Variants in KCNQ5 observed in about 807,000 individuals in gnomAD.
KCNQ5 encodes the protein potassium voltage-gated channel subfamily KQT member 5.
In KCNQ5, 30 loss-of-function variants were observed where a neutral mutation model predicts 98.2. That is an observed-to-expected ratio of 0.31 (90% CI 0.23 to 0.41). KCNQ5 has a LOEUF of 0.41. KCNQ5 is among the 10% of genes least tolerant of loss of function. The pLI is 1.00. For missense variants in KCNQ5, 835 were observed against 1,182.5 expected (o/e 0.71, Z 4.31); for synonymous variants, 458 against 449.4 (o/e 1.02, Z -0.24).
chr6:73,098,063 T>C (rs957635811), intron 5 of KCNQ5, among the ~76,000 whole-genome samples: 1 of 151,978 alleles, frequency 6.6e-6, no homozygotes, highest in Non-Finnish European at 1.5e-5. Context: ...TCAGATAAAT[T>C]TAACAAATAA....
chr6:72,681,919 G>GA (rs1767728421), intron 1 of KCNQ5, among the ~76,000 whole-genome samples: 1 of 152,184 alleles, frequency 6.6e-6, no homozygotes, highest in Non-Finnish European at 1.5e-5. Flanking sequence ...TTGCCTTGGA[G>GA]AATCAAATGA....
chr6:73,083,544 T>C (rs1773863788), intron 5 of KCNQ5, among the ~76,000 whole-genome samples: 2 of 151,896 alleles, frequency 1.3e-5, no homozygotes, highest in Non-Finnish European at 2.9e-5. Context: ...ATGAGTGAGA[T>C]TTATGCAAAA....
intron 11 of KCNQ5, among the ~76,000 whole-genome samples, chr6:73,177,637 T>A (rs546412079): frequency 1.6e-4 from 24 of 152,356 alleles, no homozygotes; most frequent in African/African-American, 5.5e-4. Context: ...TTTTGTTAAA[T>A]CTACAAGCTG....
intron 1 of KCNQ5, among the ~76,000 whole-genome samples, chr6:72,783,148 T>A (rs6453604): frequency 0.75 from 114,547 of 152,100 alleles, 44,241 homozygotes; most frequent in African/African-American, 0.94. Context: ...AGAGGATGAA[T>A]GGGCATTTCC....
intron 1 of KCNQ5, among the ~76,000 whole-genome samples, chr6:72,647,631 T>C (rs1765664348): frequency 6.6e-6 from 1 of 152,164 alleles, no homozygotes; most frequent in Non-Finnish European, 1.5e-5. Context: ...GACACATGCA[T>C]GTAATGCCCC....
chr6:72,891,543 A>T (rs1779057824), intron 1 of KCNQ5, among the ~76,000 whole-genome samples: 1 of 152,188 alleles, frequency 6.6e-6, no homozygotes, highest in Non-Finnish European at 1.5e-5. Context: ...GACTTAAAGA[A>T]AACACCATAT....
intron 1 of KCNQ5, among the ~76,000 whole-genome samples, chr6:72,703,035 C>A (rs1355579716): frequency 6.6e-6 from 1 of 152,200 alleles, no homozygotes; most frequent in Admixed American, 6.5e-5. Flanking sequence ...ACAAGGCAGT[C>A]TATTTAGGAT....
At chr6:72,657,634 T>A (rs1330849337) in intron 1 of KCNQ5, among the ~76,000 whole-genome samples, 2 of 152,170 alleles carry the variant, frequency 1.3e-5, no homozygotes, top group East Asian at 3.9e-4. Context: ...TTACTCAGAG[T>A]TGCATAATGT....
intron 8 of KCNQ5, among the ~76,000 whole-genome samples, chr6:73,123,170 TTC>T (rs60418221): frequency 0.21 from 31,176 of 151,310 alleles, 7,103 homozygotes; most frequent in African/African-American, 0.56. Flanking sequence ...GAAGTATGTA[TTC>T]AAGGGATGTT....
chr6:72,843,453 C>T (rs1776887890), intron 1 of KCNQ5, among the ~76,000 whole-genome samples: 1 of 152,094 alleles, frequency 6.6e-6, no homozygotes, highest in South Asian at 2.1e-4. Flanking sequence ...TTAGGATTGT[C>T]TTGGCTATAT....
intron 1 of KCNQ5, among the ~76,000 whole-genome samples, chr6:72,828,515 C>G (rs780098540): frequency 1.2e-4 from 18 of 151,530 alleles, no homozygotes; most frequent in Admixed American, 2.6e-4. Context: ...TTCTTGATTT[C>G]TTTTTGTTAG....
At chr6:73,158,263 T>TC (rs1554216893) in intron 10 of KCNQ5, 1 of 171,688 alleles carries the variant, frequency 5.8e-6, no homozygotes, top group Non-Finnish European at 1.2e-5. Flanking sequence ...GATTTTTTTT[T>TC]TTTTTTTTTT....
At chr6:73,179,392 T>A (rs1778328848) in intron 11 of KCNQ5, among the ~76,000 whole-genome samples, 1 of 152,154 alleles carries the variant, frequency 6.6e-6, no homozygotes, top group African/African-American at 2.4e-5. Flanking sequence ...CACCAGTTCC[T>A]CTCTCATGAT....
At chr6:72,666,270 T>C (rs1163761965) in intron 1 of KCNQ5, among the ~76,000 whole-genome samples, 2 of 152,200 alleles carry the variant, frequency 1.3e-5, no homozygotes, top group East Asian at 3.8e-4. Context: ...AATGTTATAA[T>C]TTAAAAAGTC....
chr6:73,166,031 G>T (rs1443710579), intron 10 of KCNQ5, among the ~76,000 whole-genome samples: 1 of 152,154 alleles, frequency 6.6e-6, no homozygotes, highest in East Asian at 1.9e-4. Context: ...GAACCCAACT[G>T]CTGGGGTTAA....
intron 1 of KCNQ5, among the ~76,000 whole-genome samples, chr6:72,758,241 A>G (rs145081605): frequency 5.9e-5 from 9 of 152,208 alleles, no homozygotes; most frequent in African/African-American, 1.7e-4. Context: ...TATTTTCCTT[A>G]AGAACATGGA....
At chr6:72,950,720 G>A (rs889941190) in intron 1 of KCNQ5, among the ~76,000 whole-genome samples, 1 of 152,194 alleles carries the variant, frequency 6.6e-6, no homozygotes, top group South Asian at 2.1e-4. Context: ...TCCAAGGGCT[G>A]GAGCGGTAGA....
chr6:72,645,007 A>G (rs975363296), intron 1 of KCNQ5, among the ~76,000 whole-genome samples: 3 of 152,086 alleles, frequency 2.0e-5, no homozygotes, highest in Non-Finnish European at 4.4e-5. Context: ...TTTGTGTCAC[A>G]TAATATTACC....
At chr6:73,112,128 T>G (rs1775264993) in intron 7 of KCNQ5, among the ~76,000 whole-genome samples, 1 of 152,128 alleles carries the variant, frequency 6.6e-6, no homozygotes. Context: ...AAATATATTT[T>G]TTGTTAGATT....
Sources: allele counts gnomAD v4.1 joint callset (sites outside exome capture counted in the v4.1 genomes callset), GRCh38; gene constraint gnomAD v4.1.1; transcripts MANE v1.5; gene names NCBI Gene and HGNC (gene_info 2026-07-23, HGNC 2026-07-21).